PTPRG: variants seen among roughly 807,000 people sequenced by gnomAD.
The protein encoded by PTPRG is receptor-type tyrosine-protein phosphatase gamma.
In PTPRG, 102 loss-of-function variants were observed where a neutral mutation model predicts 165.3. The ratio of observed to expected loss-of-function variants is 0.62; its 90% CI spans 0.53 to 0.73. The LOEUF (loss-of-function observed/expected upper bound fraction) is 0.73, where lower values mean the gene tolerates loss of function less well. PTPRG is among the 30% of genes least tolerant of loss of function. The probability of loss-of-function intolerance (pLI) is 0.00; values close to 1 mark genes in which losing one functional copy is unlikely to be tolerated. For synonymous variants in PTPRG, 675 were observed against 669.5 expected (o/e 1.01, Z -0.13); for missense variants, 1,866 against 1,861.4 (o/e 1.00, Z -0.05).
intron 2 of PTPRG, among the ~76,000 whole-genome samples, chr3:61,888,307 C>T (rs776125519): frequency 1.3e-4 from 19 of 149,372 alleles, no homozygotes; most frequent in Non-Finnish European, 2.7e-4. Context: ...TATTTCTGTT[C>T]TAGGAAAATG....
rs553596385 is a variant in PTPRG, at chr3:61,603,128, C to T, written c.85+40756C>T. On this transcript the variant is annotated intron_variant, in intron 1 of 29. Coordinates refer to ENST00000474889, the MANE Select transcript of PTPRG (RefSeq NM_002841.4). ...TCAGCAAACACTATAAATCAGCCAC[C>T]CTGCTGGAACTGGATGGTAAGTGTT... Among the ~76,000 whole-genome samples, 113 of 152,220 alleles carry T rather than the reference C, an allele frequency of 7.4e-4. 1 individual carries two copies. The highest frequency in any genetic ancestry group is 2.5e-3 in the African/African-American group (103 of 41,544).
intron 2 of PTPRG, among the ~76,000 whole-genome samples, chr3:61,752,811 A>AAAAAAG: frequency 6.7e-6 from 1 of 149,850 alleles, no homozygotes; most frequent in African/African-American, 2.5e-5. Flanking sequence ...AGAAAAAAAA[A>AAAAAAG]AAGAAAATAT....
intron 2 of PTPRG, among the ~76,000 whole-genome samples, chr3:61,950,534 T>TA (rs1264723799): frequency 6.6e-6 from 1 of 152,184 alleles, no homozygotes; most frequent in African/African-American, 2.4e-5. Context: ...AGAGGAACTT[T>TA]AGGAGCAGCA....
At chr3:61,706,123 A>G (rs896210001) in intron 1 of PTPRG, among the ~76,000 whole-genome samples, 17 of 152,186 alleles carry the variant, frequency 1.1e-4, no homozygotes, top group East Asian at 1.9e-4. Flanking sequence ...CTTGCCATCT[A>G]TCGACACTTT....
chr3:61,766,572 G>A (rs1050148928), intron 2 of PTPRG, among the ~76,000 whole-genome samples: 5 of 151,504 alleles, frequency 3.3e-5, no homozygotes, highest in South Asian at 2.1e-4. Flanking sequence ...AACTTTGTTC[G>A]TATCACACAT....
chr3:62,289,641 C>T (rs1702802455), intron 28 of PTPRG, among the ~76,000 whole-genome samples: 1 of 147,924 alleles, frequency 6.8e-6, no homozygotes, highest in African/African-American at 2.5e-5. Context: ...TTTTAAGAGA[C>T]ATTTCAAAAA....
intron 15 of PTPRG, among the ~76,000 whole-genome samples, chr3:62,251,216 C>A (rs567623323): frequency 6.6e-6 from 1 of 152,284 alleles, no homozygotes; most frequent in South Asian, 2.1e-4. Context: ...CATAGTGAGA[C>A]CCCATCTCTA....
chr3:61,631,098 C>G (rs1163088361), intron 1 of PTPRG, among the ~76,000 whole-genome samples: 1 of 150,498 alleles, frequency 6.6e-6, no homozygotes, highest in East Asian at 1.9e-4. Context: ...TTTTTAAAGA[C>G]AAATGAAAAT....
chr3:62,190,619 T>A lies in PTPRG; in HGVS notation c.1034-850T>A, dbSNP rs371319533. On this transcript the variant is annotated intron_variant, in intron 8 of 29. Transcript: ENST00000474889. The surrounding 1 kb of genome is among the most constrained non-coding windows in gnomAD (Gnocchi z 5.2). ...ACGTCAGGATAATTACACGGGGTTC[T>A]GCTGTTCCAGAGAAAGTCATCCTTG... Among the ~76,000 whole-genome samples, 3 of 152,250 alleles carry A rather than the reference T, an allele frequency of 2.0e-5. No homozygotes were observed. In the East Asian group the frequency reaches 5.8e-4, roughly 29 times the overall value.
Position 61,820,980 on chromosome 3 carries a change from T to C in PTPRG, c.190+71998T>C, listed in dbSNP as rs1408845363. Among the ~76,000 whole-genome samples the C allele has an allele frequency of 3.9e-5, 6 of 152,290 alleles. No homozygotes were observed. The South Asian group carries it at 1.2e-3, about 32-fold the overall frequency. On this transcript the variant is annotated intron_variant, in intron 2 of 29. Coordinates refer to ENST00000474889, the MANE Select transcript of PTPRG (RefSeq NM_002841.4). ...CAAGCATTTCAAATATTCCTTTCCT[T>C]ATCCAGGATTTTTAAATGCTGTGTT...
At chr3:61,881,864 C>T (rs980031297) in intron 2 of PTPRG, among the ~76,000 whole-genome samples, 6 of 152,108 alleles carry the variant, frequency 3.9e-5, no homozygotes, top group African/African-American at 1.4e-4. Flanking sequence ...TGTATTCCTC[C>T]ATAATAGTGT....
intron 23 of PTPRG, among the ~76,000 whole-genome samples, chr3:62,274,172 T>A (rs571361537): frequency 6.6e-6 from 1 of 152,306 alleles, no homozygotes; most frequent in East Asian, 1.9e-4. Context: ...TCTGAACTAA[T>A]CTATCTTACC....
intron 6 of PTPRG, among the ~76,000 whole-genome samples, chr3:62,139,197 G>A (rs959418343): frequency 8.5e-5 from 13 of 152,184 alleles, no homozygotes; most frequent in African/African-American, 3.1e-4. Context: ...GGGTACAGTG[G>A]CTCACACTTG....
intron 5 of PTPRG, among the ~76,000 whole-genome samples, chr3:62,117,498 G>A (rs535885038): frequency 1.3e-5 from 2 of 152,264 alleles, no homozygotes; most frequent in South Asian, 4.1e-4. Flanking sequence ...AGATTTTCCT[G>A]TGATGTTTAC....
intron 2 of PTPRG, among the ~76,000 whole-genome samples, chr3:61,987,776 T>C (rs2040797349): frequency 6.6e-6 from 1 of 151,068 alleles, no homozygotes. Flanking sequence ...TGGATTCTTT[T>C]GGCATCTGGA....
chr3:61,665,838 A>C (rs1432574763), intron 1 of PTPRG, among the ~76,000 whole-genome samples: 1 of 152,082 alleles, frequency 6.6e-6, no homozygotes, highest in African/African-American at 2.4e-5. Context: ...TTAAAGGAAA[A>C]GATTTTGTTT....
At chr3:61,663,607 C>G (rs1702728691) in intron 1 of PTPRG, among the ~76,000 whole-genome samples, 1 of 151,956 alleles carries the variant, frequency 6.6e-6, no homozygotes, top group African/African-American at 2.4e-5. Flanking sequence ...TTATTATGCG[C>G]TATATTTCTA....
intron 3 of PTPRG, among the ~76,000 whole-genome samples, chr3:61,999,282 G>C (rs2041113066): frequency 6.6e-6 from 1 of 152,018 alleles, no homozygotes; most frequent in South Asian, 2.1e-4. Context: ...CCTAACCTCA[G>C]GTGATCCGCC....
At chr3:61,916,528 T>C (rs2038939977) in intron 2 of PTPRG, among the ~76,000 whole-genome samples, 1 of 152,232 alleles carries the variant, frequency 6.6e-6, no homozygotes. Flanking sequence ...TTAGGCACCT[T>C]TCTGTGTGTG....
Sources: gnomAD v4.1 joint callset for allele counts (sites outside exome capture counted in the v4.1 genomes callset) on GRCh38, gnomAD v4.1.1 for gene constraint, Gnocchi (gnomAD v3.1) non-coding constraint, MANE v1.5 for transcripts, NCBI Gene and HGNC (gene_info 2026-07-23, HGNC 2026-07-21) for gene names.